The following SHROOM3 variants were observed in gnomAD, a reference collection of about 807,000 sequenced individuals.
SHROOM3 encodes protein Shroom3.
Under a neutral mutation model 138.6 loss-of-function variants are expected in SHROOM3, and 47 were observed. That is an observed-to-expected ratio of 0.34 (90% CI 0.27 to 0.43). SHROOM3 has a LOEUF of 0.43. Among genes scored for constraint, SHROOM3 ranks in the 20% least tolerant of loss-of-function variants. The probability of loss-of-function intolerance (pLI) is 1.00; values close to 1 mark genes in which losing one functional copy is unlikely to be tolerated. For synonymous variants in SHROOM3, 1,062 were observed against 1,063.3 expected, an observed-to-expected ratio of 1.00 and a Z score of 0.02; for missense variants, 2,491 against 2,596.5, an observed-to-expected ratio of 0.96 and a Z score of 0.88.
rs569684804 is a variant in SHROOM3, at chr4:76,444,224, A to AT, written c.168+8009dup. On this transcript the variant is annotated intron_variant, in intron 1 of 10. Coordinates refer to ENST00000296043, the MANE Select transcript of SHROOM3 (RefSeq NM_020859.4). ...TCCACCACGCCTGGCCTAAACCTTT[A>AT]TTTTTGAATGCTCTTTGGTGCATGT... is the stretch of plus-strand genomic sequence containing the variant. 4.3e-3 allele frequency among the ~76,000 whole-genome samples: 655 copies of AT among 151,740 alleles called. 5 individuals are homozygous for AT. The highest frequency in any genetic ancestry group is 0.015 in the African/African-American group (602 of 41,368).
chr4:76,582,662 A>C (rs1027352309), intron 2 of SHROOM3, among the ~76,000 whole-genome samples: 9 of 152,216 alleles, frequency 5.9e-5, no homozygotes, highest in African/African-American at 1.9e-4. Flanking sequence ...GAGAGAAAAA[A>C]ATGAAAGCAC....
At chr4:76,566,084 G>T (rs13126993) in intron 2 of SHROOM3, among the ~76,000 whole-genome samples, 52,849 of 146,252 alleles carry the variant, frequency 0.36, 9,775 homozygotes, top group African/African-American at 0.42. Flanking sequence ...ACTCTAGCCT[G>T]GGCGACAGAG....
At chr4:76,453,419 C>T (rs984328547) in intron 1 of SHROOM3, among the ~76,000 whole-genome samples, 1 of 151,842 alleles carries the variant, frequency 6.6e-6, no homozygotes, top group Non-Finnish European at 1.5e-5. Context: ...TCTGGGACTA[C>T]AGATGCATGC....
intron 3 of SHROOM3, among the ~76,000 whole-genome samples, chr4:76,720,366 A>G (rs1347612988): frequency 2.6e-5 from 4 of 152,038 alleles, no homozygotes; most frequent in Non-Finnish European, 4.4e-5. Flanking sequence ...AAAATGCTTC[A>G]GACCTTTTCT....
At chr4:76,706,236 TC>T (rs1720046427) in intron 2 of SHROOM3, among the ~76,000 whole-genome samples, 1 of 152,096 alleles carries the variant, frequency 6.6e-6, no homozygotes, top group African/African-American at 2.4e-5. Flanking sequence ...TACCTTAGCC[TC>T]CCGAGTGGCT....
chr4:76,482,014 A>G (rs1259125355), intron 1 of SHROOM3, among the ~76,000 whole-genome samples: 3 of 152,230 alleles, frequency 2.0e-5, no homozygotes, highest in African/African-American at 7.2e-5. Flanking sequence ...TCAAAATATT[A>G]AAAGATATTT....
At chr4:76,578,355 C>T (rs1032726523) in intron 2 of SHROOM3, among the ~76,000 whole-genome samples, 2 of 152,108 alleles carry the variant, frequency 1.3e-5, no homozygotes, top group African/African-American at 4.8e-5. Context: ...ATCCTCTATG[C>T]AGAAGCAGGG....
chr4:76,770,582 C>A, intron 9 of SHROOM3, 44 bp from the exon 10 acceptor site: 1 of 1,609,806 alleles, frequency 6.2e-7, no homozygotes, highest in Non-Finnish European at 8.5e-7. Context: ...CTTCCACTGG[C>A]ACCTCCTGTT....
At chr4:76,480,663 C>T (rs564588789) in intron 1 of SHROOM3, among the ~76,000 whole-genome samples, 1 of 152,298 alleles carries the variant, frequency 6.6e-6, no homozygotes, top group African/African-American at 2.4e-5. Flanking sequence ...CTCTCCATCC[C>T]AAATCAACAG....
intron 3 of SHROOM3, among the ~76,000 whole-genome samples, chr4:76,727,540 A>T (rs1720746684): frequency 6.6e-6 from 1 of 152,164 alleles, no homozygotes; most frequent in Non-Finnish European, 1.5e-5. Flanking sequence ...AGAATACTGA[A>T]CTGCTAAGAT....
intron 2 of SHROOM3, among the ~76,000 whole-genome samples, chr4:76,579,663 C>A (rs937099800): frequency 6.6e-6 from 1 of 152,174 alleles, no homozygotes; most frequent in East Asian, 1.9e-4. Context: ...CTCCAGTTTG[C>A]CTTGGGGCCC....
At chr4:76,734,349 A>G (rs1167029590) in intron 4 of SHROOM3, among the ~76,000 whole-genome samples, 1 of 152,222 alleles carries the variant, frequency 6.6e-6, no homozygotes, top group Non-Finnish European at 1.5e-5. Context: ...AATAGTTTAT[A>G]AAAGACTCAG....
intron 1 of SHROOM3, among the ~76,000 whole-genome samples, chr4:76,437,910 C>T (rs903929874): frequency 6.6e-6 from 1 of 152,180 alleles, no homozygotes; most frequent in Non-Finnish European, 1.5e-5. Flanking sequence ...TGACAGTTTG[C>T]TGACAGAAAG....
rs139249230 is a variant in SHROOM3 at position 76,709,474 on chromosome 4, G to A, written c.324-682G>A. Among the ~76,000 whole-genome samples, 525 of 152,258 alleles carry A rather than the reference G, an allele frequency of 3.4e-3. 4 individuals are homozygous for A. Among genetic ancestry groups the A allele is most frequent in the African/African-American group, 0.011 (476 of 41,554 alleles). ...GAAGAAATGTTCCTGTTCCCATGGC[G>A]GAACACATTGGCCATGTAGGGCTTA... is the stretch of plus-strand genomic sequence containing the variant. On this transcript the variant is annotated intron_variant, in intron 2 of 10. Coordinates refer to ENST00000296043, the MANE Select transcript of SHROOM3 (RefSeq NM_020859.4).
At chr4:76,721,459 C>T (rs1720551053) in intron 3 of SHROOM3, among the ~76,000 whole-genome samples, 1 of 152,182 alleles carries the variant, frequency 6.6e-6, no homozygotes, top group African/African-American at 2.4e-5. Flanking sequence ...CAAATATATG[C>T]ATACGGTGGA....
chr4:76,544,407 C>CTTTTTTTTT lies in SHROOM3; in HGVS notation c.169-11183_169-11175dup, dbSNP rs58799466. On this transcript the variant is annotated intron_variant, in intron 1 of 10. Coordinates refer to ENST00000296043, the MANE Select transcript of SHROOM3 (RefSeq NM_020859.4). Reference sequence around the variant, plus strand: ...AAAAAATTTTAAGATAGCTCAATGGCTTTTTTTTTTTTTTTTTTTTTTTTT... The same window carrying CTTTTTTTTT: ...AAAAAATTTTAAGATAGCTCAATGGCTTTTTTTTTTTTTTTTTTTTTTTTTTTTTTTTTT... Among the ~76,000 whole-genome samples the CTTTTTTTTT allele has an allele frequency of 2.5e-4, 19 of 75,870 alleles. 3 individuals carry two copies. The highest frequency in any genetic ancestry group is 4.5e-4 in the Non-Finnish European group (16 of 35,738). The allele number at this position is 75,870 out of a possible 152,430, so 49.8% of individuals were successfully genotyped here.
intron 2 of SHROOM3, among the ~76,000 whole-genome samples, chr4:76,699,325 G>A (rs892833393): frequency 1.3e-5 from 2 of 152,152 alleles, no homozygotes; most frequent in Admixed American, 6.5e-5. Context: ...ATGTAGGTAC[G>A]CAGATCATGT....
chr4:76,465,006 A>C (rs1731223557), intron 1 of SHROOM3, among the ~76,000 whole-genome samples: 2 of 152,172 alleles, frequency 1.3e-5, no homozygotes, highest in Admixed American at 1.3e-4. Flanking sequence ...TTGGCTACTG[A>C]TCCCCAGTGG....
At chr4:76,763,509 G>C (rs1433800036) in intron 9 of SHROOM3, among the ~76,000 whole-genome samples, 1 of 152,146 alleles carries the variant, frequency 6.6e-6, no homozygotes, top group Non-Finnish European at 1.5e-5. Flanking sequence ...AGGCTGCAGT[G>C]AACCAAGATC....
Sources: gnomAD v4.1 joint callset for allele counts (sites outside exome capture counted in the v4.1 genomes callset) on GRCh38, gnomAD v4.1.1 for gene constraint, MANE v1.5 for transcripts, NCBI Gene and HGNC (gene_info 2026-07-23, HGNC 2026-07-21) for gene names.